BTBD16: variants seen among roughly 807,000 people sequenced by gnomAD.
BTBD16 encodes BTB/POZ domain-containing protein 16.
In BTBD16, 66 loss-of-function variants were observed where a neutral mutation model predicts 67.4. The ratio of observed to expected loss-of-function variants is 0.98; its 90% CI spans 0.80 to 1.20. The LOEUF (loss-of-function observed/expected upper bound fraction) is 1.20, where lower values mean the gene tolerates loss of function less well. Ranked by LOEUF, BTBD16 falls within the 50% of genes most tolerant of loss-of-function variation. The pLI is 0.00. For synonymous variants in BTBD16, 242 were observed against 236.4 expected (o/e 1.02, Z -0.22); for missense variants, 634 against 616.0 (o/e 1.03, Z -0.31).
chr10:122,290,112 G>A (rs2096371185), intron 6 of BTBD16, 114 bp downstream of exon 6: 2 of 690,648 alleles, frequency 2.9e-6, no homozygotes, highest in Non-Finnish European at 2.4e-6. Flanking sequence ...ACAGTGTTCA[G>A]TGCTTTCTTA....
At chr10:122,307,370 A>C (rs1182273927) in intron 10 of BTBD16, 62 bp downstream of exon 10, 1 of 1,463,022 alleles carries the variant, frequency 6.8e-7, no homozygotes, top group Non-Finnish European at 9.1e-7. Context: ...AACACTGCTC[A>C]TAATATCACG....
chr10:122,274,976 C>T, intron 1 of BTBD16, 64 bp from the exon 2 acceptor site: 1 of 1,120,178 alleles, frequency 8.9e-7, no homozygotes, highest in East Asian at 2.4e-5. Flanking sequence ...TTCTTTAGGC[C>T]AATCTCCTCC....
chr10:122,304,282 T>C (rs2096399301), intron 9 of BTBD16, among the ~76,000 whole-genome samples: 1 of 152,156 alleles, frequency 6.6e-6, no homozygotes, highest in Admixed American at 6.5e-5. Context: ...TGTTCAGAAA[T>C]AGCATGAGAG....
chr10:122,324,362 T>C (rs2096440774), intron 10 of BTBD16, among the ~76,000 whole-genome samples: 1 of 152,224 alleles, frequency 6.6e-6, no homozygotes, highest in Non-Finnish European at 1.5e-5. Context: ...TGCCATGCCC[T>C]GTACCATGGG....
chr10:122,284,101 G>A (rs1167248527), intron 4 of BTBD16, among the ~76,000 whole-genome samples, 177 bp downstream of exon 4: 4 of 152,162 alleles, frequency 2.6e-5, no homozygotes, highest in Non-Finnish European at 5.9e-5. Context: ...TGTCAAATGT[G>A]CAGTGAGTGA....
chr10:122,290,956 A>G, intron 6 of BTBD16, 124 bp from the exon 7 acceptor site: 2 of 1,364,880 alleles, frequency 1.5e-6, no homozygotes, highest in Non-Finnish European at 1.9e-6. Context: ...CATCCAGGTG[A>G]GAGGTGGCGC....
rs891933364 is a variant in BTBD16 at position 122,286,418 on chromosome 10, TG to T, written c.385+174del. On this transcript the variant is annotated intron_variant, in intron 5 of 15. Transcript: ENST00000260723. ...AGCCTCAGTTTCCTCAAGTGTAAAATGGGGATAATAGTTCTTAGGATGCGGC... is the reference window on the plus strand; with the variant it reads ...AGCCTCAGTTTCCTCAAGTGTAAAATGGGATAATAGTTCTTAGGATGCGGC... The T allele has an allele frequency of 4.7e-6, 3 of 635,352 alleles. No homozygotes were observed. In the African/African-American group the frequency reaches 6.0e-5, roughly 13 times the overall value. 39.4% of individuals were successfully genotyped at this position (635,352 alleles called of 1,614,324 possible).
intron 9 of BTBD16, among the ~76,000 whole-genome samples, chr10:122,305,553 G>A (rs145701880): frequency 5.7e-4 from 87 of 152,274 alleles, no homozygotes; most frequent in Non-Finnish European, 1.0e-3. Context: ...AAGATGGTAA[G>A]TTTCCTGAGG....
chr10:122,311,761 A>G (rs1478200651), intron 10 of BTBD16, among the ~76,000 whole-genome samples: 4 of 152,364 alleles, frequency 2.6e-5, no homozygotes, highest in Middle Eastern at 3.4e-3. Flanking sequence ...AGAACAGGGG[A>G]CATGGCCAGT....
chr10:122,330,798 G>C (rs2096453880), intron 11 of BTBD16, among the ~76,000 whole-genome samples: 1 of 151,964 alleles, frequency 6.6e-6, no homozygotes, highest in South Asian at 2.1e-4. Flanking sequence ...GTGCAATCTT[G>C]GCTCACTGCA....
intron 7 of BTBD16, among the ~76,000 whole-genome samples, chr10:122,296,912 G>T (rs2096384320): frequency 6.6e-6 from 1 of 152,228 alleles, no homozygotes; most frequent in Non-Finnish European, 1.5e-5. Context: ...TTCCTTCAAA[G>T]TGTGGCACCT....
intron 7 of BTBD16, 73 bp from the exon 8 acceptor site, chr10:122,297,695 G>T: frequency 6.5e-7 from 1 of 1,531,126 alleles, no homozygotes; most frequent in Admixed American, 1.7e-5. Flanking sequence ...AGTTGAATGA[G>T]AATCTCTGGG....
At position 122,288,587 on chromosome 10, in the gene BTBD16, TG is replaced by T. The variant is rs917822170; in HGVS notation, c.386-1319del. Among the ~76,000 whole-genome samples, 125 of 152,088 alleles carry T rather than the reference TG, an allele frequency of 8.2e-4. 1 individual carries two copies. Among genetic ancestry groups the T allele is most frequent in the African/African-American group, 2.9e-3 (122 of 41,548 alleles). ...AGCACCAGTGTGTGTGAGCCTGGGATGGGCCCAGTGGGTGGAGCGGCAAGTG... is the reference window on the plus strand; with the variant it reads ...AGCACCAGTGTGTGTGAGCCTGGGATGGCCCAGTGGGTGGAGCGGCAAGTG... On this transcript the variant is annotated intron_variant, in intron 5 of 15. Coordinates refer to ENST00000260723, the MANE Select transcript of BTBD16 (RefSeq NM_144587.5).
chr10:122,303,564 T>C, intron 9 of BTBD16: 1 of 229,580 alleles, frequency 4.4e-6, no homozygotes, highest in South Asian at 1.6e-4. Context: ...GCAGTGGGCA[T>C]CCTTGTTCAT....
chr10:122,338,149 C>T lies in BTBD16; in HGVS notation c.*64C>T. The T allele has an allele frequency of 1.5e-6, 2 of 1,306,430 alleles. No homozygotes were observed. Among genetic ancestry groups the T allele is most frequent in the South Asian group, 1.2e-5 (1 of 80,300 alleles). The allele number at this position is 1,306,430 out of a possible 1,614,324, so 80.9% of individuals were successfully genotyped here. On this transcript the variant is annotated 3_prime_UTR_variant, in exon 16 of 16. Transcript: ENST00000260723. The stretch of plus-strand genomic sequence containing the variant: ...GTCTGCATAAAAGAAAATAAAATGA[C>T]ATAAAAGGGAGCACTCAAGCATTCC...
intron 1 of BTBD16, among the ~76,000 whole-genome samples, chr10:122,273,729 C>T (rs1307196596): frequency 6.6e-6 from 1 of 152,148 alleles, no homozygotes. Flanking sequence ...GCCTGGGCAA[C>T]AGAGCAAGAC....
In BTBD16 at chr10:122,271,408, G is replaced by A. The variant is rs1166196154; in HGVS notation, c.-149G>A. 6.6e-6 allele frequency: 1 copy of A among 152,316 alleles called. No homozygotes were observed. The highest frequency in any genetic ancestry group is 1.5e-5 in the Non-Finnish European group (1 of 68,094). The allele number at this position is 152,316 out of a possible 1,614,324, so 9.4% of individuals were successfully genotyped here. A position where few individuals can be genotyped will look rare whatever the true frequency, so the allele number is the denominator to read the frequency against. ...CGCTTCCAGGCTTCAGGCTCAGAAGGCGCCCCCAGCTCTCCTGTAACTCAG... is the reference window on the plus strand; with the variant it reads ...CGCTTCCAGGCTTCAGGCTCAGAAGACGCCCCCAGCTCTCCTGTAACTCAG... On this transcript the variant is annotated 5_prime_UTR_variant, in exon 1 of 16. Coordinates refer to ENST00000260723, the MANE Select transcript of BTBD16 (RefSeq NM_144587.5).
At chr10:122,275,534 AT>A (rs1266793700) in intron 2 of BTBD16, among the ~76,000 whole-genome samples, 1 of 152,086 alleles carries the variant, frequency 6.6e-6, no homozygotes, top group African/African-American at 2.4e-5. Flanking sequence ...CATTATTTCC[AT>A]TTTACACATG....
chr10:122,331,613 G>A (rs2096455271), intron 12 of BTBD16, among the ~76,000 whole-genome samples: 2 of 152,208 alleles, frequency 1.3e-5, no homozygotes, highest in South Asian at 4.1e-4. Context: ...TCTTAGTTGA[G>A]AGGGGAACAA....
Sources: gnomAD v4.1 joint callset for allele counts (sites outside exome capture counted in the v4.1 genomes callset) on GRCh38, gnomAD v4.1.1 for gene constraint, MANE v1.5 for transcripts, NCBI Gene and HGNC (gene_info 2026-07-23, HGNC 2026-07-21) for gene names.